CACNA2D1: variants seen among roughly 807,000 people sequenced by gnomAD.
CACNA2D1 encodes voltage-dependent calcium channel subunit alpha-2/delta-1.
CACNA2D1 carries 53 observed loss-of-function variants against 171.5 expected under a neutral mutation model. The observed-to-expected ratio is 0.31, with a 90% CI of 0.25 to 0.39. The LOEUF (loss-of-function observed/expected upper bound fraction) is 0.39, where lower values mean the gene tolerates loss of function less well. Among genes scored for constraint, CACNA2D1 ranks in the 10% least tolerant of loss-of-function variants. The probability of loss-of-function intolerance (pLI) is 1.00; values close to 1 mark genes in which losing one functional copy is unlikely to be tolerated. For synonymous variants in CACNA2D1, 442 were observed against 443.1 expected, an observed-to-expected ratio of 1.00 and a Z score of 0.03; for missense variants, 903 against 1,299.8, an observed-to-expected ratio of 0.69 and a Z score of 4.69.
chr7:81,989,714 G>A (rs1797337936), intron 21 of CACNA2D1, among the ~76,000 whole-genome samples: 1 of 152,154 alleles, frequency 6.6e-6, no homozygotes, highest in South Asian at 2.1e-4. Context: ...GTGTGGTGTG[G>A]CTAATAATTT....
chr7:82,094,698 A>G (rs537979226), intron 6 of CACNA2D1, among the ~76,000 whole-genome samples: 34 of 67,926 alleles, frequency 5.0e-4, no homozygotes, highest in Middle Eastern at 0.01. Context: ...TTTCAAATAG[A>G]TTTAAAAAGC....
At chr7:82,389,010 G>A (rs1448504251) in intron 1 of CACNA2D1, among the ~76,000 whole-genome samples, 2 of 151,814 alleles carry the variant, frequency 1.3e-5, no homozygotes, top group East Asian at 1.9e-4. Flanking sequence ...CAGCTACTCG[G>A]GAGACTGAGA....
At chr7:81,964,524 C>G (rs1214837348) in intron 32 of CACNA2D1, among the ~76,000 whole-genome samples, 165 bp from the exon 33 acceptor site, 1 of 151,868 alleles carries the variant, frequency 6.6e-6, no homozygotes, top group Non-Finnish European at 1.5e-5. Flanking sequence ...ACACTGTGAA[C>G]AAACTAAAAT....
chr7:82,181,224 T>C (rs368720155), intron 3 of CACNA2D1, among the ~76,000 whole-genome samples: 24 of 152,050 alleles, frequency 1.6e-4, no homozygotes, highest in African/African-American at 5.8e-4. Context: ...GCAGTAACCA[T>C]GTTAAACAAA....
At chr7:82,060,601 T>C (rs1806755089) in intron 9 of CACNA2D1, 74 bp from the exon 10 acceptor site, 4 of 863,834 alleles carry the variant, frequency 4.6e-6, no homozygotes, top group South Asian at 2.7e-5. Flanking sequence ...GGAAAGATAA[T>C]GTATGCACTG....
At position 82,385,627 on chromosome 7, in the gene CACNA2D1, T is replaced by C. The variant is rs571110921; in HGVS notation, c.96-35978A>G. Among the ~76,000 whole-genome samples, 3 of 145,528 alleles carry C rather than the reference T, an allele frequency of 2.1e-5. No individual in the cohort carries two copies. The South Asian group carries it at 6.2e-4, about 30-fold the overall frequency. On this transcript the variant is annotated intron_variant, in intron 1 of 38. Coordinates refer to ENST00000356860, the MANE Select transcript of CACNA2D1 (RefSeq NM_000722.4). Reference sequence around the variant, plus strand: ...CTTACACTAGTACAGTTTCAGACATTATATTTAAGGGGTTTTTTGGTTGTT... The same window carrying C: ...CTTACACTAGTACAGTTTCAGACATCATATTTAAGGGGTTTTTTGGTTGTT...
chr7:82,172,616 C>CTTTTTTTTTTTTTTTT (rs55737158), intron 3 of CACNA2D1, among the ~76,000 whole-genome samples: 2 of 64,512 alleles, frequency 3.1e-5, no homozygotes, highest in African/African-American at 1.5e-4. Flanking sequence ...AGAAACCCGG[C>CTTTTTTTTTTTTTTTT]TTTTTTTTTT....
chr7:82,283,455 A>T (rs1040890924), intron 3 of CACNA2D1, among the ~76,000 whole-genome samples: 6 of 152,236 alleles, frequency 3.9e-5, no homozygotes, highest in African/African-American at 1.2e-4. Flanking sequence ...TTATTCAAGT[A>T]TTAAAACATA....
chr7:82,055,724 G>A (rs1805770231), intron 10 of CACNA2D1, among the ~76,000 whole-genome samples: 1 of 127,174 alleles, frequency 7.9e-6, no homozygotes, highest in African/African-American at 3.0e-5. Context: ...GAGAACATTT[G>A]GACACAGGAA....
At chr7:82,107,793 AG>A (rs1400154220) in intron 6 of CACNA2D1, among the ~76,000 whole-genome samples, 1 of 151,984 alleles carries the variant, frequency 6.6e-6, no homozygotes, top group East Asian at 1.9e-4. Context: ...CATGTTGGCC[AG>A]GCTGGTCTCG....
At chr7:82,251,480 T>C (rs1483677918) in intron 3 of CACNA2D1, among the ~76,000 whole-genome samples, 1 of 152,150 alleles carries the variant, frequency 6.6e-6, no homozygotes, top group Non-Finnish European at 1.5e-5. Flanking sequence ...TCAAAGGAAA[T>C]ATTTACATAC....
At position 81,949,646 on chromosome 7, in the gene CACNA2D1, T is replaced by C. The variant is rs1400062046; in HGVS notation, c.*746A>G. The C allele has an allele frequency of 6.6e-6, 1 of 152,268 alleles. No individual in the cohort carries two copies. Among genetic ancestry groups the C allele is most frequent in the African/African-American group, 2.4e-5 (1 of 41,458 alleles). 9.4% of individuals were successfully genotyped at this position (152,268 alleles called of 1,614,324 possible). A position where few individuals can be genotyped will look rare whatever the true frequency, so the allele number is the denominator to read the frequency against. On this transcript the variant is annotated 3_prime_UTR_variant, in exon 39 of 39. Coordinates refer to ENST00000356860, the MANE Select transcript of CACNA2D1 (RefSeq NM_000722.4). The stretch of plus-strand genomic sequence containing the variant: ...AAGGAACATTACATCAAAGCATTTA[T>C]TAAGGGCTTGCTTACATTTATGAGG...
intron 1 of CACNA2D1, among the ~76,000 whole-genome samples, chr7:82,365,449 A>G (rs1303103768): frequency 6.6e-6 from 1 of 152,126 alleles, no homozygotes; most frequent in Admixed American, 6.5e-5. Flanking sequence ...ATTCAGAAGA[A>G]AGTATTTTTG....
At chr7:82,249,732 C>T (rs1027947989) in intron 3 of CACNA2D1, among the ~76,000 whole-genome samples, 9 of 152,100 alleles carry the variant, frequency 5.9e-5, no homozygotes, top group African/African-American at 1.5e-4. Flanking sequence ...TAATCATGCA[C>T]GCATGTTGTG....
At chr7:82,356,750 T>G (rs1008093899) in intron 1 of CACNA2D1, among the ~76,000 whole-genome samples, 3 of 152,194 alleles carry the variant, frequency 2.0e-5, no homozygotes, top group African/African-American at 7.2e-5. Flanking sequence ...GCTGGACCCA[T>G]GCATCTGTAA....
chr7:82,214,414 G>A (rs77405380), intron 3 of CACNA2D1, among the ~76,000 whole-genome samples: 2 of 151,188 alleles, frequency 1.3e-5, no homozygotes, highest in South Asian at 2.1e-4. Context: ...AGTTTCCTTC[G>A]GGGAAGGAGC....
At chr7:82,074,384 C>A (rs1025693170) in intron 7 of CACNA2D1, among the ~76,000 whole-genome samples, 1 of 152,014 alleles carries the variant, frequency 6.6e-6, no homozygotes, top group African/African-American at 2.4e-5. Flanking sequence ...CCCGCCATTA[C>A]GCCTGGCTAA....
intron 3 of CACNA2D1, among the ~76,000 whole-genome samples, chr7:82,278,017 G>C (rs1809583459): frequency 6.6e-6 from 1 of 152,008 alleles, no homozygotes; most frequent in African/African-American, 2.4e-5. Flanking sequence ...AAAGTGCTAG[G>C]AGTACAGGTG....
intron 6 of CACNA2D1, among the ~76,000 whole-genome samples, chr7:82,085,348 T>A (rs1399441734): frequency 6.6e-6 from 1 of 152,050 alleles, no homozygotes; most frequent in African/African-American, 2.4e-5. Flanking sequence ...TCACTCCTGC[T>A]TGAGAACTAC....
Sources: allele counts gnomAD v4.1 joint callset (sites outside exome capture counted in the v4.1 genomes callset), GRCh38; gene constraint gnomAD v4.1.1; transcripts MANE v1.5; gene names NCBI Gene and HGNC (gene_info 2026-07-23, HGNC 2026-07-21).